The following SMARCA5 variants were observed in gnomAD, a reference collection of about 807,000 sequenced individuals.
The protein encoded by SMARCA5 is SWI/SNF-related matrix-associated actin-dependent regulator of chromatin subfamily A member 5.
A neutral mutation model predicts 140.4 loss-of-function variants in SMARCA5; 18 were observed. That is an observed-to-expected ratio of 0.13 (90% CI 0.09 to 0.19). The LOEUF is 0.19. Among genes scored for constraint, SMARCA5 ranks in the 10% least tolerant of loss-of-function variants. The pLI, the probability that SMARCA5 is intolerant of heterozygous loss-of-function variation, is 1.00. For missense variants in SMARCA5, 606 were observed against 1,276.8 expected, an observed-to-expected ratio of 0.47 and a Z score of 8.01; for synonymous variants, 449 against 419.6, an observed-to-expected ratio of 1.07 and a Z score of -0.86.
intron 2 of SMARCA5, among the ~76,000 whole-genome samples, chr4:143,518,232 C>T (rs1736882738): frequency 6.6e-6 from 1 of 152,168 alleles, no homozygotes; most frequent in Non-Finnish European, 1.5e-5. Context: ...TAAGAAACTT[C>T]TCAAAACTAT....
intron 19 of SMARCA5, 141 bp from the exon 20 acceptor site, chr4:143,546,635 T>C (rs546602513): frequency 6.2e-6 from 4 of 649,644 alleles, no homozygotes; most frequent in African/African-American, 1.8e-5. Context: ...TGTATATTTA[T>C]GTACACGAAA....
At chr4:143,547,569 G>T in intron 21 of SMARCA5, 66 bp downstream of exon 21, 1 of 823,964 alleles carries the variant, frequency 1.2e-6, no homozygotes, top group Non-Finnish European at 2.0e-6. Context: ...ATGAGAGAGT[G>T]ACTTTTTATA....
intron 6 of SMARCA5, 57 bp downstream of exon 6, chr4:143,526,517 TG>T (rs2149818652): frequency 1.8e-6 from 2 of 1,107,686 alleles, no homozygotes; most frequent in Non-Finnish European, 2.7e-6. Flanking sequence ...AATTCAGGCT[TG>T]GGTATGGGTA....
chr4:143,548,368 T>C (rs1213972513), intron 22 of SMARCA5: 6 of 367,282 alleles, frequency 1.6e-5, no homozygotes, highest in Non-Finnish European at 2.9e-5. Context: ...TTTCAAGTTC[T>C]AAGTGGGAGG....
intron 17 of SMARCA5, 96 bp downstream of exon 17, chr4:143,544,943 G>GTT: frequency 2.0e-6 from 1 of 508,194 alleles, no homozygotes; most frequent in Non-Finnish European, 3.3e-6. Flanking sequence ...TAGATTTTGT[G>GTT]TTTCTTTTTT....
rs974272616 is a variant in SMARCA5 at position 143,554,378 on chromosome 4, C to T, written c.*1194C>T. 1 of 152,046 alleles carries T rather than the reference C, an allele frequency of 6.6e-6. No individual in the cohort carries two copies. The highest frequency in any genetic ancestry group is 2.4e-5 in the African/African-American group (1 of 41,408). 9.4% of individuals were successfully genotyped at this position (152,046 alleles called of 1,614,324 possible). ...TAACTTTTATAATCCGTAAAGTGGT[C>T]TTTTCTTTCCATTTCTTTAATTGTT... On this transcript the variant is annotated 3_prime_UTR_variant, in exon 24 of 24. Coordinates refer to ENST00000283131, the MANE Select transcript of SMARCA5 (RefSeq NM_003601.4).
chr4:143,548,324 C>T (rs186770154), intron 22 of SMARCA5, 184 bp downstream of exon 22: 132 of 429,272 alleles, frequency 3.1e-4, no homozygotes, highest in Non-Finnish European at 4.1e-4. Context: ...TAGTATCTTA[C>T]GTCTTTAAAT....
At chr4:143,546,734 T>G in intron 19 of SMARCA5, 42 bp from the exon 20 acceptor site, 1 of 1,567,458 alleles carries the variant, frequency 6.4e-7, no homozygotes, top group African/African-American at 1.4e-5. Flanking sequence ...TTTCCAAGTT[T>G]AATGTGCTGT....
chr4:143,514,091 C>T lies in SMARCA5; in HGVS notation c.167C>T (p.Ala56Val). 2 of 1,549,946 alleles carry T rather than the reference C, an allele frequency of 1.3e-6. No individual in the cohort carries two copies. Among genetic ancestry groups the T allele is most frequent in the East Asian group, 2.4e-5 (1 of 42,076 alleles). The change falls in exon 1 of 24, where the codon GCC becomes GTC. Residue 56 changes from alanine (A) to valine (V), a missense_variant. By Grantham distance (64) the Ala-to-Val change is moderately conservative. Around this residue, in one of 10 missense-constraint regions of SMARCA5, gnomAD observed 164 missense variants for 128.4 expected, o/e 1.28. Coordinates refer to ENST00000283131, the MANE Select transcript of SMARCA5 (RefSeq NM_003601.4). ...ASAASAGPAD[A>V]EMEEIFDDAS... ...GCGGCCAGCGCTGGTCCCGCAGACG[C>T]CGAGATGGAGGTGAGGGCGACTTGC...
At chr4:143,523,445 G>A (rs1346860903) in intron 3 of SMARCA5, among the ~76,000 whole-genome samples, 1 of 151,944 alleles carries the variant, frequency 6.6e-6, no homozygotes, top group Non-Finnish European at 1.5e-5. Context: ...TAACTATAAA[G>A]GATATTTTAT....
At chr4:143,535,586 C>G (rs142534512) in intron 10 of SMARCA5, among the ~76,000 whole-genome samples, 50 of 152,220 alleles carry the variant, frequency 3.3e-4, no homozygotes, top group South Asian at 6.2e-4. Flanking sequence ...TCAAAAACTT[C>G]TGAAAGGGTA....
chr4:143,513,709 G>A lies in SMARCA5; in HGVS notation c.-216G>A. 4 of 573,998 alleles carry A rather than the reference G, an allele frequency of 7.0e-6. No individual in the cohort carries two copies. The highest frequency in any genetic ancestry group is 4.3e-5 in the South Asian group (2 of 46,276). 35.6% of individuals were successfully genotyped at this position (573,998 alleles called of 1,614,324 possible). On this transcript the variant is annotated 5_prime_UTR_variant, in exon 1 of 24. Coordinates refer to ENST00000283131, the MANE Select transcript of SMARCA5 (RefSeq NM_003601.4). ...TCCCGCCGTGAGGTAAGCGCCGGTG[G>A]AACCTAGAGCCCCGCGGAAGAGCAG... is the stretch of plus-strand genomic sequence containing the variant.
At chr4:143,530,281 C>G (rs936128796) in intron 8 of SMARCA5, among the ~76,000 whole-genome samples, 177 bp from the exon 9 acceptor site, 1 of 152,096 alleles carries the variant, frequency 6.6e-6, no homozygotes, top group Non-Finnish European at 1.5e-5. Context: ...GATTTCTGAA[C>G]TACTTGTTTT....
At chr4:143,520,462 C>G (rs957324840) in intron 2 of SMARCA5, among the ~76,000 whole-genome samples, 3 of 152,144 alleles carry the variant, frequency 2.0e-5, no homozygotes, top group African/African-American at 7.2e-5. Flanking sequence ...TAACCATGTG[C>G]CTTCCTAATA....
rs556553974 is a variant in SMARCA5, at chr4:143,529,824, T to G, written c.1090-634T>G. On this transcript the variant is annotated intron_variant, in intron 8 of 23. Coordinates refer to ENST00000283131, the MANE Select transcript of SMARCA5 (RefSeq NM_003601.4). ...ATATTTAATCAGACTCCAAAAGCAA[T>G]TTTAGCTTCGATTTTATGTATTTTG... Among the ~76,000 whole-genome samples, 5 of 152,326 alleles carry G rather than the reference T, an allele frequency of 3.3e-5. No homozygotes were observed. In the East Asian group the frequency reaches 9.6e-4, roughly 29 times the overall value.
intron 14 of SMARCA5, among the ~76,000 whole-genome samples, chr4:143,543,103 CT>C (rs1428110819): frequency 9.2e-5 from 14 of 152,090 alleles, no homozygotes; most frequent in Non-Finnish European, 1.8e-4. Flanking sequence ...GGATTTTTTA[CT>C]TTACTTTTCT....
At chr4:143,546,967 T>C in intron 20 of SMARCA5, 59 bp downstream of exon 20, 1 of 1,540,868 alleles carries the variant, frequency 6.5e-7, no homozygotes, top group Non-Finnish European at 8.9e-7. Context: ...GTTCTTGTTT[T>C]CTTATTCTGA....
intron 14 of SMARCA5, 105 bp from the exon 15 acceptor site, chr4:143,543,404 A>G (rs1266342053): frequency 1.1e-6 from 1 of 932,770 alleles, no homozygotes; most frequent in Non-Finnish European, 1.6e-6. Flanking sequence ...AATGATTGAC[A>G]TTTGAGATAA....
In SMARCA5 at chr4:143,516,855, T is replaced by C. The variant is rs559434436; in HGVS notation, c.178-500T>C. Among the ~76,000 whole-genome samples, 12 of 152,338 alleles carry C rather than the reference T, an allele frequency of 7.9e-5. No homozygotes were observed. In the East Asian group the frequency reaches 2.3e-3, roughly 29 times the overall value. On this transcript the variant is annotated intron_variant, in intron 1 of 23. Coordinates refer to ENST00000283131, the MANE Select transcript of SMARCA5 (RefSeq NM_003601.4). Reference sequence around the variant, plus strand: ...TTTATTACTAGTTTAGGAATCAGACTGTAGTTAGAGTATTCAATTTAGGCT... The same window carrying C: ...TTTATTACTAGTTTAGGAATCAGACCGTAGTTAGAGTATTCAATTTAGGCT...
Sources: allele counts gnomAD v4.1 joint callset (sites outside exome capture counted in the v4.1 genomes callset), GRCh38; gene constraint gnomAD v4.1.1; regional missense constraint gnomAD v4.1.1; transcripts MANE v1.5; gene names NCBI Gene and HGNC (gene_info 2026-07-23, HGNC 2026-07-21).